The following AFAP1 variants were observed in gnomAD, a reference collection of about 807,000 sequenced individuals.
AFAP1 encodes actin filament associated protein 1.
Under a neutral mutation model 93.9 loss-of-function variants are expected in AFAP1, and 75 were observed. The ratio of observed to expected loss-of-function variants is 0.80; its 90% CI spans 0.66 to 0.97. The LOEUF (loss-of-function observed/expected upper bound fraction) is 0.97, where lower values mean the gene tolerates loss of function less well. Ranked by LOEUF, AFAP1 falls within the 50% of genes least tolerant of loss-of-function variation. The probability of loss-of-function intolerance (pLI) is 0.00; values close to 1 mark genes in which losing one functional copy is unlikely to be tolerated. For synonymous variants in AFAP1, 517 were observed against 430.7 expected, an observed-to-expected ratio of 1.20 and a Z score of -2.48; for missense variants, 1,201 against 1,050.8, an observed-to-expected ratio of 1.14 and a Z score of -1.98.
intron 11 of AFAP1, among the ~76,000 whole-genome samples, chr4:7,793,269 A>G (rs928566548): frequency 2.0e-5 from 3 of 152,238 alleles, no homozygotes; most frequent in Non-Finnish European, 4.4e-5. Flanking sequence ...TCTGCTTCGT[A>G]GAACTGTTCC....
intron 1 of AFAP1, among the ~76,000 whole-genome samples, chr4:7,928,429 C>A (rs1205755542): frequency 2.0e-5 from 3 of 152,134 alleles, no homozygotes; most frequent in Non-Finnish European, 4.4e-5. Flanking sequence ...TCTCTGTCGC[C>A]CAGGCTGGAG....
At chr4:7,892,961 A>G (rs2149208926) in intron 1 of AFAP1, among the ~76,000 whole-genome samples, 1 of 152,312 alleles carries the variant, frequency 6.6e-6, no homozygotes, top group South Asian at 2.1e-4. Context: ...CACAACCAGA[A>G]AAAGATAAAC....
intron 1 of AFAP1, among the ~76,000 whole-genome samples, chr4:7,914,969 G>C (rs1205110610): frequency 6.6e-6 from 1 of 151,914 alleles, no homozygotes; most frequent in Non-Finnish European, 1.5e-5. Flanking sequence ...GGCTGGTCTT[G>C]AACTCCTGAC....
intron 1 of AFAP1, among the ~76,000 whole-genome samples, chr4:7,923,891 A>G (rs570331534): frequency 1.3e-5 from 2 of 152,360 alleles, no homozygotes; most frequent in South Asian, 4.1e-4. Flanking sequence ...TGAGGGCTCC[A>G]GTACGAGAAT....
intron 1 of AFAP1, among the ~76,000 whole-genome samples, chr4:7,880,593 C>A (rs1717782661): frequency 6.6e-6 from 1 of 152,114 alleles, no homozygotes; most frequent in African/African-American, 2.4e-5. Context: ...GCCTTTATTT[C>A]ACAAGTGTGG....
intron 8 of AFAP1, among the ~76,000 whole-genome samples, chr4:7,810,713 G>T (rs572656055): frequency 8.2e-4 from 125 of 152,346 alleles, no homozygotes; most frequent in African/African-American, 2.9e-3. Context: ...TCCTTTGAAA[G>T]ATGGAAGTCT....
At chr4:7,785,227 T>C (rs974577901) in intron 12 of AFAP1, among the ~76,000 whole-genome samples, 15 of 152,202 alleles carry the variant, frequency 9.9e-5, no homozygotes, top group African/African-American at 3.4e-4. Context: ...GAACCAGCAC[T>C]TGATGAGGCC....
At chr4:7,869,216 T>G (rs371521383) in intron 2 of AFAP1, among the ~76,000 whole-genome samples, 3 of 133,968 alleles carry the variant, frequency 2.2e-5, no homozygotes, top group South Asian at 2.6e-4. Context: ...GAGGGATGGA[T>G]GGAGGGAAGG....
At chr4:7,905,133 C>T (rs1719329193) in intron 1 of AFAP1, among the ~76,000 whole-genome samples, 1 of 152,184 alleles carries the variant, frequency 6.6e-6, no homozygotes, top group South Asian at 2.1e-4. Flanking sequence ...ACCCACCAAG[C>T]TCCTAGAAGT....
chr4:7,938,493 T>C (rs546249114), intron 1 of AFAP1, among the ~76,000 whole-genome samples: 1 of 152,210 alleles, frequency 6.6e-6, no homozygotes, highest in East Asian at 1.9e-4. Flanking sequence ...GGCTGAGAAA[T>C]ACAGCGTCTG....
chr4:7,920,524 A>T (rs1476632948), intron 1 of AFAP1, among the ~76,000 whole-genome samples: 3 of 152,222 alleles, frequency 2.0e-5, no homozygotes, highest in African/African-American at 7.2e-5. Flanking sequence ...AAATGAAAGA[A>T]GGAAAGATAA....
At chr4:7,895,852 GTTTT>G (rs35666187) in intron 1 of AFAP1, among the ~76,000 whole-genome samples, 1 of 110,612 alleles carries the variant, frequency 9.0e-6, no homozygotes, top group African/African-American at 3.4e-5. Context: ...TCTTCAGAAA[GTTTT>G]TTTTTTTTTT....
At chr4:7,769,533 C>T (rs980397312) in intron 16 of AFAP1, among the ~76,000 whole-genome samples, 3 of 152,180 alleles carry the variant, frequency 2.0e-5, no homozygotes, top group Admixed American at 6.5e-5. Flanking sequence ...CGGCAGCTTC[C>T]ATATGCCAAA....
chr4:7,928,699 T>G (rs1164493890), intron 1 of AFAP1, among the ~76,000 whole-genome samples: 1 of 152,230 alleles, frequency 6.6e-6, no homozygotes, highest in Non-Finnish European at 1.5e-5. Flanking sequence ...TTTACCAGTT[T>G]TATTCCTGAA....
At chr4:7,783,071 C>T (rs1263135388) in intron 12 of AFAP1, among the ~76,000 whole-genome samples, 1 of 152,184 alleles carries the variant, frequency 6.6e-6, no homozygotes, top group East Asian at 1.9e-4. Flanking sequence ...GTCTAAGCAT[C>T]AGGGGGAACG....
chr4:7,932,998 C>T (rs1174187649), intron 1 of AFAP1, among the ~76,000 whole-genome samples: 1 of 101,364 alleles, frequency 9.9e-6, no homozygotes, highest in Non-Finnish European at 1.8e-5. Context: ...CCAGCCTGGG[C>T]AACAGAGTGA....
chr4:7,816,372 T>C lies in AFAP1; in HGVS notation c.823-273A>G, dbSNP rs188384629. On this transcript the variant is annotated intron_variant, in intron 7 of 17. Transcript: ENST00000420658. ...TATATACTGTCTCATGCCTATTTCA[T>C]TCAAATCACTTCTTGTAAATGATTT... Among the ~76,000 whole-genome samples, 593 of 152,346 alleles carry C rather than the reference T, an allele frequency of 3.9e-3. 6 individuals carry two copies. Among genetic ancestry groups the C allele is most frequent in the African/African-American group, 0.013 (549 of 41,578 alleles).
intron 8 of AFAP1, among the ~76,000 whole-genome samples, chr4:7,814,749 T>C (rs1720327653): frequency 6.6e-6 from 1 of 151,946 alleles, no homozygotes; most frequent in African/African-American, 2.4e-5. Flanking sequence ...GGGCCTCGGG[T>C]AGAGGCAGAG....
chr4:7,869,144 AGAAAGGGAAAGG>A (rs200955199), intron 2 of AFAP1, among the ~76,000 whole-genome samples: 1 of 151,612 alleles, frequency 6.6e-6, no homozygotes. Context: ...AGAATAAAAG[AGAAAGGGAAAGG>A]GAAAGGGAAA....
Sources: gnomAD v4.1 joint callset for allele counts (sites outside exome capture counted in the v4.1 genomes callset) on GRCh38, gnomAD v4.1.1 for gene constraint, MANE v1.5 for transcripts, NCBI Gene and HGNC (gene_info 2026-07-23, HGNC 2026-07-21) for gene names.